Variants in ANKS1B observed in about 807,000 individuals in gnomAD.
ANKS1B encodes ankyrin repeat and sterile alpha motif domain containing 1B.
ANKS1B carries 36 observed loss-of-function variants against 148.3 expected under a neutral mutation model. The ratio of observed to expected loss-of-function variants is 0.24; its 90% CI spans 0.19 to 0.32. The LOEUF (loss-of-function observed/expected upper bound fraction) is 0.32. ANKS1B is among the 10% of genes least tolerant of loss of function. The probability of loss-of-function intolerance (pLI) is 1.00; values close to 1 mark genes in which losing one functional copy is unlikely to be tolerated. For missense variants in ANKS1B, 1,157 were observed against 1,542.6 expected (o/e 0.75, Z 4.19); for synonymous variants, 542 against 560.8 (o/e 0.97, Z 0.47).
At chr12:99,586,123 C>A (rs1451008324) in intron 9 of ANKS1B, among the ~76,000 whole-genome samples, 1 of 152,170 alleles carries the variant, frequency 6.6e-6, no homozygotes, top group East Asian at 1.9e-4. Context: ...CCCTTTTAAA[C>A]TAAGTTGCAA....
rs1182264550 is a variant in ANKS1B, at chr12:98,769,165, C to CTTTTTTTTTTTTT, written c.3579+3864_3579+3876dup. ...TTGAGGTATTATAGGGTCTTCTTTA[C>CTTTTTTTTTTTTT]TTTTTTTTTTTTTTTTTTTTTTTTT... On this transcript the variant is annotated intron_variant, in intron 25 of 26. Transcript: ENST00000683438. 1.7e-3 allele frequency among the ~76,000 whole-genome samples: 70 copies of CTTTTTTTTTTTTT among 41,234 alleles called. 17 individuals carry two copies. Among genetic ancestry groups the CTTTTTTTTTTTTT allele is most frequent in the South Asian group, 3.6e-3 (2 of 560 alleles). 27.1% of individuals were successfully genotyped at this position (41,234 alleles called of 152,430 possible). A position where few individuals can be genotyped will look rare whatever the true frequency, so the allele number is the denominator to read the frequency against.
chr12:99,929,373 G>C (rs1202133522), intron 1 of ANKS1B, among the ~76,000 whole-genome samples: 1 of 151,998 alleles, frequency 6.6e-6, no homozygotes, highest in African/African-American at 2.4e-5. Context: ...ATTTGTTTGA[G>C]TTCATTGTAG....
intron 1 of ANKS1B, among the ~76,000 whole-genome samples, chr12:99,924,697 T>G (rs149564431): frequency 2.2e-3 from 331 of 152,250 alleles, no homozygotes; most frequent in African/African-American, 7.6e-3. Context: ...TCTTCCACTA[T>G]TTGAGGACAC....
chr12:99,476,538 G>C (rs549607895), intron 10 of ANKS1B, among the ~76,000 whole-genome samples: 1 of 151,888 alleles, frequency 6.6e-6, no homozygotes, highest in Non-Finnish European at 1.5e-5. Context: ...TATAAAATTG[G>C]GCAATTTATA....
At chr12:99,612,520 G>A (rs1380849962) in intron 9 of ANKS1B, among the ~76,000 whole-genome samples, 1 of 152,050 alleles carries the variant, frequency 6.6e-6, no homozygotes, top group Non-Finnish European at 1.5e-5. Flanking sequence ...CAACACATAG[G>A]TTGGATTCGA....
At chr12:98,736,377 G>T (rs1374959025) in intron 9 of ANKS1B, among the ~76,000 whole-genome samples, 2 of 152,206 alleles carry the variant, frequency 1.3e-5, no homozygotes, top group African/African-American at 4.8e-5. Context: ...TTGTGAGAGA[G>T]ACAAGAAAAG....
chr12:99,315,823 C>T (rs1324957638), intron 12 of ANKS1B, among the ~76,000 whole-genome samples: 1 of 152,028 alleles, frequency 6.6e-6, no homozygotes, highest in Non-Finnish European at 1.5e-5. Flanking sequence ...CTCCCCTCTC[C>T]CCCCACCCCA....
intron 15 of ANKS1B, among the ~76,000 whole-genome samples, chr12:99,125,299 G>C (rs1174620606): frequency 2.6e-5 from 4 of 152,108 alleles, no homozygotes; most frequent in Non-Finnish European, 5.9e-5. Flanking sequence ...TAAGTACTAG[G>C]AACACAGAAA....
Position 99,951,138 on chromosome 12 carries a change from CT to C in ANKS1B, c.134+32965del, listed in dbSNP as rs1255557619. The stretch of plus-strand genomic sequence containing the variant: ...CTGATTTCCATCCATCTCTATGTGA[CT>C]TGTGTTAATGCTTTGTTTCATTTTA... On this transcript the variant is annotated intron_variant, in intron 1 of 26. Transcript: ENST00000683438. Among the ~76,000 whole-genome samples, 3 of 152,268 alleles carry C rather than the reference CT, an allele frequency of 2.0e-5. No individual in the cohort carries two copies. The East Asian group carries it at 5.8e-4, about 29-fold the overall frequency.
At chr12:99,271,631 A>G (rs574236898) in intron 12 of ANKS1B, among the ~76,000 whole-genome samples, 2 of 141,966 alleles carry the variant, frequency 1.4e-5, no homozygotes, top group Non-Finnish European at 1.5e-5. Context: ...GACACATCAT[A>G]TATTTATTCA....
At chr12:99,982,639 C>T (rs1353297813) in intron 1 of ANKS1B, among the ~76,000 whole-genome samples, 1 of 152,292 alleles carries the variant, frequency 6.6e-6, no homozygotes. Context: ...CTACATGTGA[C>T]TACAGGCAAT....
chr12:99,624,194 C>G (rs1448046882), intron 9 of ANKS1B, among the ~76,000 whole-genome samples: 1 of 152,020 alleles, frequency 6.6e-6, no homozygotes, highest in Non-Finnish European at 1.5e-5. Context: ...GAAAAATTGG[C>G]TAGCCATGTG....
intron 8 of ANKS1B, among the ~76,000 whole-genome samples, chr12:99,756,244 G>C (rs1209998754): frequency 6.6e-6 from 1 of 152,084 alleles, no homozygotes; most frequent in East Asian, 1.9e-4. Flanking sequence ...CTTCAGCAAA[G>C]TCTCAAGATA....
chr12:99,441,921 GTTTT>G, intron 11 of ANKS1B, among the ~76,000 whole-genome samples: 1 of 151,960 alleles, frequency 6.6e-6, no homozygotes, highest in East Asian at 1.9e-4. Context: ...AAAAGAATCT[GTTTT>G]TCATTCATTG....
At chr12:99,761,808 A>C (rs1045185006) in intron 8 of ANKS1B, among the ~76,000 whole-genome samples, 1 of 152,104 alleles carries the variant, frequency 6.6e-6, no homozygotes, top group Non-Finnish European at 1.5e-5. Flanking sequence ...CTAAACTCCA[A>C]CAAAAAGCTG....
chr12:99,470,844 T>G (rs187198565), intron 10 of ANKS1B, among the ~76,000 whole-genome samples: 75 of 152,262 alleles, frequency 4.9e-4, no homozygotes, highest in Admixed American at 1.8e-3. Flanking sequence ...AACCCATACT[T>G]TGGTTACCTG....
intron 15 of ANKS1B, among the ~76,000 whole-genome samples, chr12:99,122,995 A>ATATATATATATATATATATAT (rs57571566): frequency 1.1e-4 from 16 of 141,510 alleles, no homozygotes; most frequent in African/African-American, 4.2e-4. Context: ...AATTAAAAAA[A>ATATATATATATATATATATAT]AAATATATAT....
chr12:99,236,358 G>A (rs573267143), intron 14 of ANKS1B, among the ~76,000 whole-genome samples: 35 of 152,224 alleles, frequency 2.3e-4, no homozygotes, highest in Admixed American at 3.9e-4. Context: ...TAACTGACTC[G>A]CAGTTTCGCA....
intron 12 of ANKS1B, among the ~76,000 whole-genome samples, chr12:99,265,214 G>A (rs1363165856): frequency 6.6e-6 from 1 of 152,120 alleles, no homozygotes; most frequent in Admixed American, 6.6e-5. Context: ...AGCAGCATTA[G>A]CATCTCCTGA....
Sources: gnomAD v4.1 joint callset for allele counts (sites outside exome capture counted in the v4.1 genomes callset) on GRCh38, gnomAD v4.1.1 for gene constraint, MANE v1.5 for transcripts, NCBI Gene and HGNC (gene_info 2026-07-23, HGNC 2026-07-21) for gene names.